Variants in CHIC2 observed in about 807,000 individuals in gnomAD.
CHIC2 encodes the protein cysteine-rich hydrophobic domain-containing protein 2.
CHIC2 carries 14 observed loss-of-function variants against 25.9 expected under a neutral mutation model. That is an observed-to-expected ratio of 0.54 (90% CI 0.36 to 0.85). The LOEUF (loss-of-function observed/expected upper bound fraction) is 0.85. Ranked by LOEUF, CHIC2 falls within the 40% of genes least tolerant of loss-of-function variation. The probability of loss-of-function intolerance (pLI) is 0.01; values close to 1 mark genes in which losing one functional copy is unlikely to be tolerated. For synonymous variants in CHIC2, 70 were observed against 72.0 expected (o/e 0.97, Z 0.14); for missense variants, 146 against 202.0 (o/e 0.72, Z 1.68).
chr4:54,027,562 T>G (rs1716099017), intron 3 of CHIC2, among the ~76,000 whole-genome samples: 1 of 152,206 alleles, frequency 6.6e-6, no homozygotes, highest in African/African-American at 2.4e-5. Flanking sequence ...GGACCCCTTT[T>G]GTAAAGGGAC....
intron 1 of CHIC2, among the ~76,000 whole-genome samples, chr4:54,056,916 T>C (rs1242637944): frequency 6.6e-6 from 1 of 152,130 alleles, no homozygotes; most frequent in Non-Finnish European, 1.5e-5. Context: ...CTTCAAAATC[T>C]ATGATCTTGT....
intron 1 of CHIC2, 99 bp from the exon 2 acceptor site, chr4:54,049,404 C>T (rs1716936145): frequency 3.1e-6 from 2 of 649,588 alleles, no homozygotes; most frequent in South Asian, 2.8e-5. Flanking sequence ...AGCATTTTCA[C>T]ATATGGAGGA....
At chr4:54,086,851 A>G in the CHIC2 span, 10 of 542,384 alleles carry the variant, frequency 1.8e-5, no homozygotes, top group South Asian at 9.2e-5. Context: ...TGCAAGATCT[A>G]TAAGAGTCCT....
intron 3 of CHIC2, among the ~76,000 whole-genome samples, chr4:54,031,148 G>T (rs775273029): frequency 1.3e-5 from 2 of 150,272 alleles, no homozygotes; most frequent in Non-Finnish European, 3.0e-5. Flanking sequence ...AAATCAGCTG[G>T]CCTGTCCTTT....
chr4:54,078,485 A>C, the CHIC2 span, among the ~76,000 whole-genome samples: 2 of 152,120 alleles, frequency 1.3e-5, no homozygotes, highest in Non-Finnish European at 2.9e-5. Context: ...TTTTTCTGTC[A>C]TACAACCTTA....
chr4:54,044,555 C>A (rs948779866), intron 3 of CHIC2, among the ~76,000 whole-genome samples: 2 of 151,638 alleles, frequency 1.3e-5, no homozygotes, highest in Admixed American at 6.6e-5. Context: ...CTACTGGGTA[C>A]ATAATGAAAT....
chr4:54,013,642 T>C (rs978898547), intron 5 of CHIC2, among the ~76,000 whole-genome samples, 195 bp downstream of exon 5: 1 of 152,176 alleles, frequency 6.6e-6, no homozygotes, highest in Non-Finnish European at 1.5e-5. Flanking sequence ...TGAAGCCTTG[T>C]TTTCAAGTCA....
rs1053318656 is a variant in CHIC2, at chr4:54,064,112, G to A, written c.119+70C>T. Reference sequence around the variant, plus strand: ...GACACCAGACGGACACAGGGGAAACGGGGCTCCCGTGGAGTAACGGGGCCC... The same window carrying A: ...GACACCAGACGGACACAGGGGAAACAGGGCTCCCGTGGAGTAACGGGGCCC... On this transcript the variant is annotated intron_variant, in intron 1 of 5. Coordinates refer to ENST00000263921, the MANE Select transcript of CHIC2 (RefSeq NM_012110.4). This position sits in a 1 kb window ranked among gnomAD's most constrained non-coding sequence, Gnocchi z 4.2. The A allele has an allele frequency of 2.3e-5, 31 of 1,355,062 alleles. No individual in the cohort carries two copies. The highest frequency in any genetic ancestry group is 1.2e-4 in the East Asian group (5 of 40,376). 83.9% of individuals were successfully genotyped at this position (1,355,062 alleles called of 1,614,324 possible).
chr4:54,068,224 T>A (rs948466007), upstream of CHIC2, among the ~76,000 whole-genome samples: 1 of 152,022 alleles, frequency 6.6e-6, no homozygotes, highest in African/African-American at 2.4e-5. Context: ...AATGTTTACA[T>A]CCCCCCAAAT....
At chr4:54,016,088 T>C (rs529965666) in intron 3 of CHIC2, among the ~76,000 whole-genome samples, 1 of 152,308 alleles carries the variant, frequency 6.6e-6, no homozygotes, top group East Asian at 1.9e-4. Flanking sequence ...CTATACAATT[T>C]GAGGTTTTAC....
intron 3 of CHIC2, among the ~76,000 whole-genome samples, chr4:54,018,546 GT>G (rs1427801919): frequency 6.6e-6 from 1 of 151,956 alleles, no homozygotes; most frequent in East Asian, 1.9e-4. Flanking sequence ...ACAATCAATT[GT>G]TTGAAAACAT....
At chr4:54,026,015 C>T (rs2110067579) in intron 3 of CHIC2, among the ~76,000 whole-genome samples, 2 of 152,178 alleles carry the variant, frequency 1.3e-5, no homozygotes, top group Middle Eastern at 6.8e-3. Flanking sequence ...TTGTGTCTTG[C>T]TTTTATTACC....
At chr4:54,066,566 A>G (rs1216301487), upstream of CHIC2, among the ~76,000 whole-genome samples, 1 of 151,560 alleles carries the variant, frequency 6.6e-6, no homozygotes, top group Non-Finnish European at 1.5e-5. Flanking sequence ...AGGCCATGTG[A>G]CGATTTAAGA....
At chr4:54,058,332 C>T (rs868310291) in intron 1 of CHIC2, among the ~76,000 whole-genome samples, 4 of 152,076 alleles carry the variant, frequency 2.6e-5, no homozygotes, top group Admixed American at 6.6e-5. Flanking sequence ...AACTGAAGTT[C>T]GGAAAGGTTA....
At chr4:54,075,673 C>G in the CHIC2 span, among the ~76,000 whole-genome samples, 2 of 152,184 alleles carry the variant, frequency 1.3e-5, no homozygotes, top group African/African-American at 4.8e-5. Context: ...CGTGCCTCAG[C>G]CTCCTGAGTA....
At chr4:54,070,758 GTAGTCCAGCCTAGCC>G in the CHIC2 span, among the ~76,000 whole-genome samples, 4 of 152,162 alleles carry the variant, frequency 2.6e-5, no homozygotes, top group Non-Finnish European at 5.9e-5. Context: ...TGGGAGACCA[GTAGTCCAGCCTAGCC>G]TGCCTGCACC....
In CHIC2 at chr4:54,064,009, C is replaced by A. The variant is rs183811384; in HGVS notation, c.119+173G>T. Among the ~76,000 whole-genome samples the A allele has an allele frequency of 1.3e-3, 190 of 150,526 alleles. 3 individuals carry two copies. The East Asian group carries it at 0.033, about 26-fold the overall frequency. Reference sequence around the variant, plus strand: ...GTGGAGGAGGAAGGACAGCGTCCGTCCCCACTTCGGAGACCCAAACAAATG... The same window carrying A: ...GTGGAGGAGGAAGGACAGCGTCCGTACCCACTTCGGAGACCCAAACAAATG... On this transcript the variant is annotated intron_variant, in intron 1 of 5. Transcript: ENST00000263921. This position sits in a 1 kb window ranked among gnomAD's most constrained non-coding sequence, Gnocchi z 4.2.
intron 3 of CHIC2, among the ~76,000 whole-genome samples, chr4:54,014,606 C>T (rs1470508084): frequency 6.6e-6 from 1 of 151,870 alleles, no homozygotes; most frequent in East Asian, 1.9e-4. Context: ...TAAAATAATG[C>T]CCATATTTAA....
At chr4:54,039,517 G>A (rs1238440170) in intron 3 of CHIC2, among the ~76,000 whole-genome samples, 1 of 152,154 alleles carries the variant, frequency 6.6e-6, no homozygotes, top group African/African-American at 2.4e-5. Context: ...ACAATGAGAT[G>A]CTACTATGTA....
Sources: allele counts gnomAD v4.1 joint callset (sites outside exome capture counted in the v4.1 genomes callset), GRCh38; gene constraint gnomAD v4.1.1; non-coding constraint Gnocchi (gnomAD v3.1); transcripts MANE v1.5; gene names NCBI Gene and HGNC (gene_info 2026-07-23, HGNC 2026-07-21).